Variants in FYB1 observed in about 807,000 individuals in gnomAD.
FYB1 encodes the protein FYN-binding protein 1.
FYB1 carries 41 observed loss-of-function variants against 94.1 expected under a neutral mutation model. The ratio of observed to expected loss-of-function variants is 0.44; its 90% CI spans 0.34 to 0.57. The LOEUF (loss-of-function observed/expected upper bound fraction) is 0.57, where lower values mean the gene tolerates loss of function less well. FYB1 is among the 20% of genes least tolerant of loss of function. The probability of loss-of-function intolerance (pLI) is 0.02; values close to 1 mark genes in which losing one functional copy is unlikely to be tolerated. For synonymous variants in FYB1, 367 were observed against 353.2 expected, an observed-to-expected ratio of 1.04 and a Z score of -0.44; for missense variants, 1,050 against 976.8, an observed-to-expected ratio of 1.07 and a Z score of -1.00.
intron 1 of FYB1, among the ~76,000 whole-genome samples, chr5:39,232,883 C>T (rs4018970): frequency 0.83 from 125,223 of 151,562 alleles, 51,768 homozygotes; most frequent in East Asian, 0.85. Flanking sequence ...CATGTCCCTA[C>T]AAAGGACATG....
rs1264512549 is a variant in FYB1 at position 39,247,096 on chromosome 5, A to ATATATATATATATATATT, written c.-28+27306_-28+27307insAATATATATATATATATA. Among the ~76,000 whole-genome samples, 17 of 140,782 alleles carry ATATATATATATATATATT rather than the reference A, an allele frequency of 1.2e-4. 1 individual carries two copies. Among genetic ancestry groups the ATATATATATATATATATT allele is most frequent in the African/African-American group, 4.2e-4 (16 of 38,448 alleles). 92.4% of individuals were successfully genotyped at this position (140,782 alleles called of 152,430 possible). On this transcript the variant is annotated intron_variant, in intron 1 of 1. Coordinates refer to the FYB1 transcript ENST00000510188. ...CATATATATATATATATATATATAT[A>ATATATATATATATATATT]TATATATATATATATATATGACTAT...
chr5:39,181,252 G>T (rs1202474618), intron 2 of FYB1, among the ~76,000 whole-genome samples: 1 of 152,204 alleles, frequency 6.6e-6, no homozygotes, highest in Non-Finnish European at 1.5e-5. Context: ...GTTCTGAGAA[G>T]ATGAAAATGT....
chr5:39,145,939 G>C (rs980074071), intron 3 of FYB1, among the ~76,000 whole-genome samples: 1 of 149,144 alleles, frequency 6.7e-6, no homozygotes, highest in African/African-American at 2.5e-5. Context: ...TTAAGACAGA[G>C]TCTCACTCTG....
At chr5:39,204,808 A>G (rs1381817725) in intron 1 of FYB1, among the ~76,000 whole-genome samples, 1 of 152,260 alleles carries the variant, frequency 6.6e-6, no homozygotes, top group Admixed American at 6.5e-5. Context: ...AGGCAGGAAC[A>G]GAAAAGCTAA....
At chr5:39,211,006 C>T (rs867658401) in intron 1 of FYB1, 13 of 152,094 alleles carry the variant, frequency 8.5e-5, no homozygotes, top group Admixed American at 5.9e-4. Flanking sequence ...GTCCTAAAAC[C>T]ACTTATTTTT....
intron 1 of FYB1, among the ~76,000 whole-genome samples, chr5:39,214,638 C>T (rs932597394): frequency 3.9e-5 from 6 of 152,170 alleles, no homozygotes; most frequent in Non-Finnish European, 8.8e-5. Flanking sequence ...CACGAAACAA[C>T]AAGTATTGGC....
chr5:39,264,563 C>A (rs1219744132), intron 1 of FYB1, among the ~76,000 whole-genome samples: 1 of 152,166 alleles, frequency 6.6e-6, no homozygotes, highest in Non-Finnish European at 1.5e-5. Flanking sequence ...CTCCAGCCAT[C>A]CTGGTCTTTT....
chr5:39,159,924 T>C (rs2150372516), intron 2 of FYB1, among the ~76,000 whole-genome samples: 1 of 152,298 alleles, frequency 6.6e-6, no homozygotes, highest in Non-Finnish European at 1.5e-5. Flanking sequence ...TTCAACTCTA[T>C]AGAAGAACAA....
upstream of FYB1, among the ~76,000 whole-genome samples, chr5:39,223,933 C>T (rs1022790457): frequency 4.5e-4 from 68 of 152,180 alleles, no homozygotes; most frequent in Admixed American, 4.5e-3. Context: ...CCCCTCTTCT[C>T]CAGGTGGAGA....
intron 2 of FYB1, among the ~76,000 whole-genome samples, chr5:39,200,825 T>C (rs1018084494): frequency 1.3e-5 from 2 of 152,222 alleles, no homozygotes; most frequent in Admixed American, 6.5e-5. Context: ...AGGAGAAAGA[T>C]GCGACTACAA....
chr5:39,133,204 T>A (rs1040372950), intron 9 of FYB1, among the ~76,000 whole-genome samples: 4 of 152,212 alleles, frequency 2.6e-5, no homozygotes, highest in Admixed American at 6.6e-5. Flanking sequence ...CAATGAAGAT[T>A]GTTTCCTTTG....
chr5:39,219,769 A>G (rs1380346859), upstream of FYB1, among the ~76,000 whole-genome samples: 1 of 152,230 alleles, frequency 6.6e-6, no homozygotes, highest in Non-Finnish European at 1.5e-5. Context: ...GTGATATTTA[A>G]AAGGGTAAAA....
At position 39,201,811 on chromosome 5, in the gene FYB1, G is replaced by A. The variant is rs374135811; in HGVS notation, c.1135+15C>T. ...GAGTAAACCATACTGAATAGCAAAC[G>A]AGAAAAGAACTCACTGTTTCCAGAA... On this transcript the variant is annotated intron_variant, in intron 2 of 18. Coordinates refer to ENST00000512982, the MANE Select transcript of FYB1 (RefSeq NM_001465.6). The A allele has an allele frequency of 7.4e-5, 119 of 1,598,810 alleles. No individual in the cohort carries two copies. The highest frequency in any genetic ancestry group is 9.2e-5 in the Non-Finnish European group (108 of 1,170,826).
chr5:39,219,592 G>A (rs1750137267), upstream of FYB1: 2 of 985,272 alleles, frequency 2.0e-6, no homozygotes, highest in Non-Finnish European at 1.2e-6. Context: ...GCAGGGTTTT[G>A]TCCCGGTCAG....
intron 2 of FYB1, among the ~76,000 whole-genome samples, chr5:39,182,571 G>A (rs16868261): frequency 0.039 from 5,998 of 152,218 alleles, 409 homozygotes; most frequent in African/African-American, 0.14. Context: ...ATGCAGGTAC[G>A]ATTTGGGAAG....
At chr5:39,169,347 C>A in intron 2 of FYB1, 1 of 759,148 alleles carries the variant, frequency 1.3e-6, no homozygotes, top group Non-Finnish European at 2.4e-6. Context: ...AATTCCCAGA[C>A]GAATACTAAA....
rs1760359880 is a variant in FYB1, at chr5:39,106,104, G to T, written c.*1339C>A. ...CAATGAGTTTAAAAAATAGACAAAA[G>T]CTTCTGAAACATGGGACTGAAGTAG... is the stretch of plus-strand genomic sequence containing the variant. On this transcript the variant is annotated 3_prime_UTR_variant, in exon 19 of 19. Coordinates refer to ENST00000512982, the MANE Select transcript of FYB1 (RefSeq NM_001465.6). 1 of 152,134 alleles carries T rather than the reference G, an allele frequency of 6.6e-6. No homozygotes were observed. Among genetic ancestry groups the T allele is most frequent in the East Asian group, 1.9e-4 (1 of 5,206 alleles). The allele number at this position is 152,134 out of a possible 1,614,324, so 9.4% of individuals were successfully genotyped here.
At chr5:39,112,944 A>G (rs376892964) in intron 16 of FYB1, among the ~76,000 whole-genome samples, 1 of 152,086 alleles carries the variant, frequency 6.6e-6, no homozygotes, top group Non-Finnish European at 1.5e-5. Flanking sequence ...GGAGTGTGAG[A>G]TGGCACTGTG....
intron 1 of FYB1, among the ~76,000 whole-genome samples, chr5:39,248,809 C>G (rs550792958): frequency 1.1e-4 from 17 of 152,216 alleles, no homozygotes; most frequent in Non-Finnish European, 2.4e-4. Context: ...TGAACTCCAG[C>G]CTGGATGATG....
Sources: gnomAD v4.1 joint callset for allele counts (sites outside exome capture counted in the v4.1 genomes callset) on GRCh38, gnomAD v4.1.1 for gene constraint, MANE v1.5 for transcripts, NCBI Gene and HGNC (gene_info 2026-07-23, HGNC 2026-07-21) for gene names.